NF1: variants seen among roughly 807,000 people sequenced by gnomAD.
NF1 encodes the protein neurofibromin 1.
A neutral mutation model predicts 325.7 loss-of-function variants in NF1; 122 were observed. The observed-to-expected ratio is 0.37, with a 90% CI of 0.32 to 0.44. The LOEUF is 0.44. Among genes scored for constraint, NF1 ranks in the 20% least tolerant of loss-of-function variants. The pLI, the probability that NF1 is intolerant of heterozygous loss-of-function variation, is 1.00. For synonymous variants in NF1, 1,091 were observed against 1,186.0 expected (o/e 0.92, Z 1.65); for missense variants, 2,140 against 3,415.4 (o/e 0.63, Z 9.31).
chr17:31,369,013 T>G (rs2070583863), intron 57 of NF1, among the ~76,000 whole-genome samples: 1 of 152,248 alleles, frequency 6.6e-6, no homozygotes, highest in Non-Finnish European at 1.5e-5. Context: ...AGTCTGTCAT[T>G]TTTGTAGTAT....
At chr17:31,367,194 C>T (rs2070540913) in intron 57 of NF1, 8 of 1,283,194 alleles carry the variant, frequency 6.2e-6, no homozygotes, top group Non-Finnish European at 8.2e-6. Flanking sequence ...ACATCACTTA[C>T]TTGCTTTTTT....
chr17:31,130,074 G>GTTTTTTTTTTTTTTTT (rs201697638), intron 1 of NF1, among the ~76,000 whole-genome samples: 3 of 129,330 alleles, frequency 2.3e-5, no homozygotes, highest in African/African-American at 8.8e-5. Context: ...TGAAGTCGCT[G>GTTTTTTTTTTTTTTTT]TTTTTTTTTG....
At chr17:31,320,461 A>G (rs765657549) in intron 36 of NF1, 2 of 1,598,404 alleles carry the variant, frequency 1.3e-6, no homozygotes, top group Admixed American at 1.7e-5. Flanking sequence ...GCTTTTGAAC[A>G]TCAAGGTTTT....
intron 36 of NF1, chr17:31,295,712 G>C (rs1342335127): frequency 1.2e-6 from 2 of 1,614,156 alleles, no homozygotes; most frequent in Non-Finnish European, 1.7e-6. Context: ...AGATTGGTCT[G>C]GAATGAATGT....
At chr17:31,236,854 A>G (rs913692120) in intron 29 of NF1, among the ~76,000 whole-genome samples, 3 of 152,156 alleles carry the variant, frequency 2.0e-5, no homozygotes, top group African/African-American at 7.2e-5. Flanking sequence ...GTGCACCACC[A>G]TTGTAACAAT....
At chr17:31,366,225 C>T (rs1323876051) in intron 57 of NF1, among the ~76,000 whole-genome samples, 1 of 152,164 alleles carries the variant, frequency 6.6e-6, no homozygotes, top group African/African-American at 2.4e-5. Flanking sequence ...TGAGCCACCG[C>T]ACCTGGCCTA....
intron 1 of NF1, among the ~76,000 whole-genome samples, chr17:31,146,724 C>T (rs1446697260): frequency 6.6e-6 from 1 of 152,242 alleles, no homozygotes; most frequent in African/African-American, 2.4e-5. Context: ...TGGCCAACCC[C>T]CACGGGGAGC....
intron 5 of NF1, among the ~76,000 whole-genome samples, chr17:31,174,084 A>G (rs1433996055): frequency 6.6e-6 from 1 of 152,222 alleles, no homozygotes; most frequent in East Asian, 1.9e-4. Flanking sequence ...CTTCATTAAA[A>G]GTCAACAGGA....
chr17:31,104,849 T>C (rs1912705327), intron 1 of NF1, among the ~76,000 whole-genome samples: 1 of 152,240 alleles, frequency 6.6e-6, no homozygotes. Flanking sequence ...TCAAATGTTA[T>C]ATGCCTGTGA....
chr17:31,207,059 A>G (rs2066637531), intron 12 of NF1, among the ~76,000 whole-genome samples: 1 of 152,302 alleles, frequency 6.6e-6, no homozygotes, highest in Non-Finnish European at 1.5e-5. Flanking sequence ...TAGCAAGAGT[A>G]TTATACAAGA....
chr17:31,183,212 G>A (rs2143790528), intron 8 of NF1: 1 of 207,572 alleles, frequency 4.8e-6, no homozygotes, highest in Middle Eastern at 1.7e-3. Flanking sequence ...TATCACCTAG[G>A]TGATTGAAAA....
At chr17:31,366,462 A>G (rs1056601146) in intron 57 of NF1, among the ~76,000 whole-genome samples, 1 of 152,228 alleles carries the variant, frequency 6.6e-6, no homozygotes, top group African/African-American at 2.4e-5. Flanking sequence ...TGGCTAGATC[A>G]GGTAGTGATC....
intron 13 of NF1, among the ~76,000 whole-genome samples, chr17:31,217,261 A>G (rs187439953): frequency 6.6e-6 from 1 of 152,232 alleles, no homozygotes; most frequent in East Asian, 1.9e-4. Context: ...GGAAAAATCT[A>G]TAGTTAGCAA....
At chr17:31,255,033 T>A (rs1469430624) in intron 31 of NF1, among the ~76,000 whole-genome samples, 3 of 152,206 alleles carry the variant, frequency 2.0e-5, no homozygotes, top group Non-Finnish European at 4.4e-5. Flanking sequence ...AGAGAGAAGA[T>A]CTGGCTTCTA....
intron 5 of NF1, among the ~76,000 whole-genome samples, chr17:31,178,864 G>A (rs142014167): frequency 1.8e-4 from 27 of 152,204 alleles, no homozygotes; most frequent in African/African-American, 5.8e-4. Context: ...GATTCATAAA[G>A]CAAGTCCTTA....
chr17:31,224,587 A>C (rs918636444), intron 16 of NF1, among the ~76,000 whole-genome samples: 1 of 152,148 alleles, frequency 6.6e-6, no homozygotes, highest in African/African-American at 2.4e-5. Flanking sequence ...TAATCTCCAG[A>C]ATGTGAGTAT....
At chr17:31,095,484 G>GT (rs1911584537) in intron 1 of NF1, 115 bp downstream of exon 1, 1 of 1,003,058 alleles carries the variant, frequency 1.0e-6, no homozygotes, top group African/African-American at 1.7e-5. Flanking sequence ...CTGGAGGAAA[G>GT]GAAGGGAAGG....
intron 8 of NF1, among the ~76,000 whole-genome samples, chr17:31,184,078 G>A (rs1405762442): frequency 6.6e-6 from 1 of 152,096 alleles, no homozygotes; most frequent in Admixed American, 6.5e-5. Context: ...GAGTTTCTTA[G>A]TTTGTTTGGG....
chr17:31,319,007 T>A (rs762858099), intron 36 of NF1: 1 of 1,598,864 alleles, frequency 6.3e-7, no homozygotes, highest in Admixed American at 1.7e-5. Context: ...TCCATGTCCG[T>A]GGGCATGCTT....
Sources: allele counts gnomAD v4.1 joint callset (sites outside exome capture counted in the v4.1 genomes callset), GRCh38; gene constraint gnomAD v4.1.1; transcripts MANE v1.5; gene names NCBI Gene and HGNC (gene_info 2026-07-23, HGNC 2026-07-21).